RBFOX1: variants seen among roughly 807,000 people sequenced by gnomAD.
The protein encoded by RBFOX1 is RNA binding protein fox-1 homolog 1.
In RBFOX1, 8 loss-of-function variants were observed where a neutral mutation model predicts 57.7. The observed-to-expected ratio is 0.14, with a 90% CI of 0.08 to 0.25. The LOEUF is 0.25. Ranked by LOEUF, RBFOX1 falls within the 10% of genes least tolerant of loss-of-function variation. The pLI is 1.00. For synonymous variants in RBFOX1, 326 were observed against 222.4 expected (o/e 1.47, Z -4.15); for missense variants, 611 against 548.5 (o/e 1.11, Z -1.14).
chr16:6,890,687 T>A (rs201493460), intron 3 of RBFOX1, among the ~76,000 whole-genome samples: 8 of 152,320 alleles, frequency 5.3e-5, no homozygotes, highest in East Asian at 1.9e-4. Flanking sequence ...GTCCCCAGTT[T>A]CCTGGGATTT....
chr16:5,700,017 A>G (rs1267469495), intron 3 of RBFOX1, among the ~76,000 whole-genome samples: 1 of 152,066 alleles, frequency 6.6e-6, no homozygotes. Flanking sequence ...TATTTTTAGT[A>G]GAGACGGGGT....
intron 10 of RBFOX1, among the ~76,000 whole-genome samples, chr16:7,610,602 A>G (rs1042202877): frequency 1.3e-5 from 2 of 152,182 alleles, no homozygotes; most frequent in Non-Finnish European, 2.9e-5. Flanking sequence ...GAAAATCCAC[A>G]TGCTTTCCTC....
chr16:5,927,656 T>C (rs1425482933), intron 4 of RBFOX1, among the ~76,000 whole-genome samples: 2 of 152,214 alleles, frequency 1.3e-5, no homozygotes, highest in African/African-American at 2.4e-5. Flanking sequence ...CTCATGTTCA[T>C]TGCAGCACTA....
At chr16:5,868,045 G>C (rs551056730) in intron 4 of RBFOX1, among the ~76,000 whole-genome samples, 1 of 152,264 alleles carries the variant, frequency 6.6e-6, no homozygotes, top group Admixed American at 6.5e-5. Flanking sequence ...TCCAAGGCAT[G>C]AAAGGAATTG....
At chr16:5,265,406 C>T (rs146333856) in intron 1 of RBFOX1, among the ~76,000 whole-genome samples, 243 of 152,320 alleles carry the variant, frequency 1.6e-3, no homozygotes, top group Non-Finnish European at 3.0e-3. Context: ...ATATTCTGTA[C>T]CAATTATATT....
At chr16:5,725,122 G>T (rs972950327) in intron 3 of RBFOX1, among the ~76,000 whole-genome samples, 1 of 152,136 alleles carries the variant, frequency 6.6e-6, no homozygotes, top group African/African-American at 2.4e-5. Flanking sequence ...AAATATTTGG[G>T]GAATCCTCCA....
chr16:6,842,155 A>ATAAAT (rs755603549), intron 3 of RBFOX1, among the ~76,000 whole-genome samples: 4 of 148,036 alleles, frequency 2.7e-5, no homozygotes, highest in African/African-American at 7.6e-5. Context: ...AAAAAAATAA[A>ATAAAT]AAATAAATAA....
rs534570536 is a variant in RBFOX1, at chr16:6,682,283, T to C, written c.-16+27633T>C. ...AGGAAGCACACAGCCCTGCCTCCTC[T>C]GGAGGGATTGAGCTCTCAGGCGTCG... On this transcript the variant is annotated intron_variant, in intron 3 of 15. Coordinates refer to ENST00000550418, the MANE Select transcript of RBFOX1 (RefSeq NM_018723.4). 6.6e-5 allele frequency among the ~76,000 whole-genome samples: 10 copies of C among 152,274 alleles called. No individual in the cohort carries two copies. In the East Asian group the frequency reaches 1.4e-3, roughly 21 times the overall value.
intron 1 of RBFOX1, among the ~76,000 whole-genome samples, chr16:5,411,705 G>C (rs1384853732): frequency 2.0e-5 from 3 of 151,362 alleles, no homozygotes; most frequent in Non-Finnish European, 1.5e-5. Flanking sequence ...TTTGAGACCA[G>C]CCTGGGCAAC....
At chr16:7,684,869 G>C (rs2146993987) in intron 14 of RBFOX1, among the ~76,000 whole-genome samples, 1 of 152,134 alleles carries the variant, frequency 6.6e-6, no homozygotes, top group South Asian at 2.1e-4. Context: ...TGTTTTTTCA[G>C]AATGATCGTT....
chr16:5,462,628 A>G (rs2068827324), intron 1 of RBFOX1, among the ~76,000 whole-genome samples: 2 of 152,180 alleles, frequency 1.3e-5, no homozygotes, highest in Admixed American at 1.3e-4. Flanking sequence ...ATTTTTAGGA[A>G]TTTTGGATGC....
chr16:7,219,581 G>A (rs1023676259), intron 4 of RBFOX1, among the ~76,000 whole-genome samples: 1 of 152,158 alleles, frequency 6.6e-6, no homozygotes, highest in Non-Finnish European at 1.5e-5. Context: ...GAAAATATGA[G>A]GCATAGCTGT....
intron 4 of RBFOX1, among the ~76,000 whole-genome samples, chr16:7,265,552 G>A (rs796530615): frequency 3.9e-5 from 6 of 151,970 alleles, no homozygotes; most frequent in East Asian, 1.9e-4. Context: ...GTGTTGAAGC[G>A]ATTCTCCTGC....
intron 1 of RBFOX1, among the ~76,000 whole-genome samples, chr16:5,408,162 G>A (rs1202376826): frequency 6.6e-6 from 1 of 152,102 alleles, no homozygotes; most frequent in East Asian, 1.9e-4. Context: ...AGCTGCTCGT[G>A]GTGTTTGAAT....
At chr16:5,730,447 C>A (rs377715563) in intron 3 of RBFOX1, among the ~76,000 whole-genome samples, 2 of 152,166 alleles carry the variant, frequency 1.3e-5, no homozygotes, top group Non-Finnish European at 2.9e-5. Context: ...CCTCTGGCTG[C>A]GCACACACAC....
chr16:6,535,549 G>A (rs376867010), intron 2 of RBFOX1, among the ~76,000 whole-genome samples: 3 of 152,270 alleles, frequency 2.0e-5, no homozygotes, highest in East Asian at 1.9e-4. Flanking sequence ...TTATTCGTCA[G>A]TGTATCTTTA....
intron 2 of RBFOX1, among the ~76,000 whole-genome samples, chr16:5,549,038 G>A (rs11076931): frequency 0.3 from 45,968 of 152,154 alleles, 8,325 homozygotes; most frequent in East Asian, 0.85. Context: ...CATACTGGCC[G>A]CAAGGCAGTG....
At chr16:5,710,727 A>G (rs965814005) in intron 3 of RBFOX1, among the ~76,000 whole-genome samples, 8 of 152,288 alleles carry the variant, frequency 5.3e-5, no homozygotes, top group East Asian at 3.9e-4. Context: ...GGTCCGGAAC[A>G]TCTGAAGCAA....
intron 4 of RBFOX1, among the ~76,000 whole-genome samples, chr16:7,181,708 A>G (rs941889159): frequency 6.6e-6 from 1 of 152,044 alleles, no homozygotes; most frequent in African/African-American, 2.4e-5. Flanking sequence ...GACTACAGGT[A>G]TGCACGATGC....
Sources: gnomAD v4.1 joint callset for allele counts (sites outside exome capture counted in the v4.1 genomes callset) on GRCh38, gnomAD v4.1.1 for gene constraint, MANE v1.5 for transcripts, NCBI Gene and HGNC (gene_info 2026-07-23, HGNC 2026-07-21) for gene names.